The following PIWIL4 variants were observed in gnomAD, a reference collection of about 807,000 sequenced individuals.
PIWIL4 encodes the protein piwi like RNA-mediated gene silencing 4, also known as piwi-like protein 4.
A neutral mutation model predicts 100.9 loss-of-function variants in PIWIL4; 50 were observed. That is an observed-to-expected ratio of 0.50 (90% confidence interval 0.39 to 0.63). The LOEUF (loss-of-function observed/expected upper bound fraction) is 0.63. Ranked by LOEUF, PIWIL4 falls within the 20% of genes least tolerant of loss-of-function variation. The pLI is 0.00. For synonymous variants in PIWIL4, 342 were observed against 367.5 expected (o/e 0.93, Z 0.79); for missense variants, 887 against 1,043.3 (o/e 0.85, Z 2.06).
intron 13 of PIWIL4, among the ~76,000 whole-genome samples, chr11:94,607,088 T>G: frequency 6.6e-6 from 1 of 150,932 alleles, no homozygotes; most frequent in East Asian, 1.9e-4. Flanking sequence ...AAGTTGGGGG[T>G]GAGGGAGTGG....
chr11:94,615,680 G>A (rs548195124), intron 15 of PIWIL4, among the ~76,000 whole-genome samples: 1 of 152,148 alleles, frequency 6.6e-6, no homozygotes, highest in Non-Finnish European at 1.5e-5. Flanking sequence ...AGGCTGGAGT[G>A]CAGTGGCTAT....
chr11:94,619,106 C>T (rs1334124692), intron 17 of PIWIL4, among the ~76,000 whole-genome samples: 2 of 152,042 alleles, frequency 1.3e-5, no homozygotes, highest in African/African-American at 4.8e-5. Context: ...TGAAAACGTT[C>T]GTGATAAATT....
intron 7 of PIWIL4, among the ~76,000 whole-genome samples, chr11:94,588,717 G>T (rs1447395317): frequency 6.6e-6 from 1 of 152,172 alleles, no homozygotes. Context: ...CCTTCTTTTG[G>T]TGCTTTTTTA....
rs767622103 is a variant in PIWIL4, at chr11:94,618,001, A to T, written c.2062A>T (p.Ile688Leu). The change falls in exon 17 of 20, where the codon ATA (isoleucine) becomes TTA (leucine). Residue 688 changes from isoleucine (I) to leucine (L), a missense_variant. Physicochemically the swap from Ile to Leu is conservative, Grantham distance 5 (BLOSUM62 2). Around this residue, in one of 2 missense-constraint regions of PIWIL4, gnomAD observed 741 missense variants for 930.0 expected, o/e 0.80. Coordinates refer to ENST00000299001, the MANE Select transcript of PIWIL4 (RefSeq NM_152431.3). ...YKYNHDLPAR[I>L]IVYRAGVGDG... ...GTACAATCATGATTTGCCAGCACGG[A>T]TAATTGTGTACCGTGCTGGTGTAGG... 6.2e-7 allele frequency: 1 copy of T among 1,613,648 alleles called. No homozygotes were observed. Among genetic ancestry groups the T allele is most frequent in the Non-Finnish European group, 8.5e-7 (1 of 1,179,638 alleles).
intron 2 of PIWIL4, among the ~76,000 whole-genome samples, chr11:94,574,193 A>G (rs1417989580): frequency 6.6e-6 from 1 of 152,238 alleles, no homozygotes; most frequent in Non-Finnish European, 1.5e-5. Flanking sequence ...AGCTGTCAGT[A>G]AGTGATATGC....
intron 17 of PIWIL4, among the ~76,000 whole-genome samples, chr11:94,619,248 C>T (rs1948879228): frequency 6.6e-6 from 1 of 152,166 alleles, no homozygotes; most frequent in South Asian, 2.1e-4. Flanking sequence ...AACACTTCAC[C>T]ATTCAGCATT....
At position 94,593,541 on chromosome 11, in the gene PIWIL4, C is replaced by T; in HGVS notation, c.1050C>T (p.Asp350=). The T allele has an allele frequency of 1.2e-6, 2 of 1,613,622 alleles. No individual in the cohort carries two copies. Among genetic ancestry groups the T allele is most frequent in the South Asian group, 2.2e-5 (2 of 91,052 alleles). ...YKQQYDITVS[D]LNQPMLVSLL... ...AGCAGTATGATATTACTGTATCGGA[C>T]CTGAATCAGCCCATGCTTGTTAGTC... is the stretch of plus-strand genomic sequence containing the variant. Residue 350 remains aspartate, a synonymous_variant, in exon 9 of 20, where the codon GAC becomes GAT. Coordinates refer to ENST00000299001, the MANE Select transcript of PIWIL4 (RefSeq NM_152431.3).
intron 9 of PIWIL4, among the ~76,000 whole-genome samples, chr11:94,593,859 C>T (rs557112863): frequency 4.6e-5 from 7 of 152,202 alleles, no homozygotes; most frequent in African/African-American, 1.4e-4. Flanking sequence ...GTAAAATAGA[C>T]CCCCTGATAT....
chr11:94,595,311 C>T lies in PIWIL4; in HGVS notation c.1153C>T (p.Leu385=). ...LIPELCFLTG[L]TDQATSDFQL... ...TTGTCTTCATTTGCATTTAATAGGG[C>T]TGACTGACCAGGCAACATCTGATTT... The change falls in exon 10 of 20, where the codon CTG becomes TTG. Residue 385 remains leucine (L), a splice_region_variant and synonymous_variant. Coordinates refer to ENST00000299001, the MANE Select transcript of PIWIL4 (RefSeq NM_152431.3). 1 of 1,612,680 alleles carries T rather than the reference C, an allele frequency of 6.2e-7. No homozygotes were observed. Among genetic ancestry groups the T allele is most frequent in the South Asian group, 1.1e-5 (1 of 91,044 alleles).
chr11:94,601,182 A>T (rs1241683293), intron 11 of PIWIL4, among the ~76,000 whole-genome samples: 1 of 152,006 alleles, frequency 6.6e-6, no homozygotes, highest in East Asian at 1.9e-4. Context: ...TTCACAATTT[A>T]TGTTTAAACA....
At chr11:94,568,848 C>T in intron 2 of PIWIL4, 40 bp downstream of exon 2, 5 of 1,520,046 alleles carry the variant, frequency 3.3e-6, no homozygotes, top group African/African-American at 1.4e-5. Flanking sequence ...ACCATTCAAC[C>T]TGAATGGAGC....
At position 94,607,521 on chromosome 11, in the gene PIWIL4, G is replaced by A; in HGVS notation, c.1721G>A (p.Ser574Asn). The A allele has an allele frequency of 6.2e-7, 1 of 1,614,026 alleles. No individual in the cohort carries two copies. The highest frequency in any genetic ancestry group is 8.5e-7 in the Non-Finnish European group (1 of 1,179,976). ...TTGAGCTCAGACTGCCCAGTCCCAAGCCAATGTGTGCTTGCTCGGACCTTG... is the reference window on the plus strand; with the variant it reads ...TTGAGCTCAGACTGCCCAGTCCCAAACCAATGTGTGCTTGCTCGGACCTTG... The part of the protein sequence containing the change: ...KYLSSDCPVP[S>N]QCVLARTLNK... The change falls in exon 14 of 20, where the codon AGC becomes AAC. Residue 574 changes from serine to asparagine, a missense_variant. This residue lies in a region of PIWIL4 where 741 missense variants were observed against 930.0 expected (regional missense o/e 0.80). Coordinates refer to ENST00000299001, the MANE Select transcript of PIWIL4 (RefSeq NM_152431.3).
chr11:94,602,624 A>G (rs1282923946), intron 12 of PIWIL4, among the ~76,000 whole-genome samples: 2 of 152,234 alleles, frequency 1.3e-5, no homozygotes, highest in South Asian at 2.1e-4. Flanking sequence ...GAAAATAAAT[A>G]CTGTTTTGCT....
At position 94,608,624 on chromosome 11, in the gene PIWIL4, T is replaced by C. The variant is rs781667417; in HGVS notation, c.1881T>C (p.Asp627=). The change falls in exon 15 of 20, where the codon GAT becomes GAC. Residue 627 remains aspartate, a synonymous_variant. Transcript: ENST00000299001. ...TGGTCGGTATTGATGTCTGTAAAGA[T>C]GCACTCAGCAAGGACGTGATGGTTG... The part of the protein sequence containing the change: ...LMVVGIDVCK[D]ALSKDVMVVG... The C allele has an allele frequency of 1.2e-6, 2 of 1,614,196 alleles. No homozygotes were observed. The highest frequency in any genetic ancestry group is 3.3e-5 in the Admixed American group (2 of 60,030).
chr11:94,612,611 G>T (rs184900385), intron 15 of PIWIL4, among the ~76,000 whole-genome samples: 1 of 152,056 alleles, frequency 6.6e-6, no homozygotes, highest in East Asian at 1.9e-4. Flanking sequence ...TTTGTAGATT[G>T]TTTCTTTATT....
In PIWIL4 at chr11:94,567,376, A is replaced by G. The variant is rs1201846390; in HGVS notation, c.-143A>G. ...ACGCACGGGCCTCGGACGCATTTCC[A>G]GCCCCGGCGTTGGTTGTGGATGCTG... On this transcript the variant is annotated 5_prime_UTR_variant, in exon 1 of 20. Transcript: ENST00000299001. 1.4e-6 allele frequency: 1 copy of G among 720,976 alleles called. No individual in the cohort carries two copies. Among genetic ancestry groups the G allele is most frequent in the Non-Finnish European group, 2.1e-6 (1 of 472,016 alleles). 44.7% of individuals were successfully genotyped at this position (720,976 alleles called of 1,614,324 possible).
intron 7 of PIWIL4, among the ~76,000 whole-genome samples, chr11:94,588,805 C>T (rs1028374948): frequency 6.6e-6 from 1 of 152,168 alleles, no homozygotes; most frequent in African/African-American, 2.4e-5. Flanking sequence ...AGCAATGCTT[C>T]AGCCTCTGAA....
intron 1 of PIWIL4, 166 bp downstream of exon 1, chr11:94,567,771 T>A: frequency 8.0e-7 from 1 of 1,251,910 alleles, no homozygotes; most frequent in Non-Finnish European, 1.0e-6. Flanking sequence ...AGTTTTCTCC[T>A]TCTAGGGATC....
intron 11 of PIWIL4, among the ~76,000 whole-genome samples, chr11:94,601,275 G>A (rs558659953): frequency 6.6e-6 from 1 of 152,234 alleles, no homozygotes; most frequent in East Asian, 1.9e-4. Flanking sequence ...CACAATCCAT[G>A]TTCTTCTGCC....
Sources: allele counts gnomAD v4.1 joint callset (sites outside exome capture counted in the v4.1 genomes callset), GRCh38; gene constraint gnomAD v4.1.1; regional missense constraint gnomAD v4.1.1; transcripts MANE v1.5; gene names NCBI Gene and HGNC (gene_info 2026-07-23, HGNC 2026-07-21).